Variants in RELN observed in about 807,000 individuals in gnomAD.
The protein encoded by RELN is reelin.
In RELN, 108 loss-of-function variants were observed where a neutral mutation model predicts 427.6. That is an observed-to-expected ratio of 0.25 (90% CI 0.22 to 0.30). The LOEUF is 0.30. RELN is among the 10% of genes least tolerant of loss of function. The pLI, the probability that RELN is intolerant of heterozygous loss-of-function variation, is 1.00. For synonymous variants in RELN, 1,524 were observed against 1,513.4 expected (o/e 1.01, Z -0.16); for missense variants, 3,715 against 4,302.8 (o/e 0.86, Z 3.82).
intron 20 of RELN, among the ~76,000 whole-genome samples, chr7:103,629,232 T>C (rs2117331452): frequency 6.6e-6 from 1 of 152,316 alleles, no homozygotes; most frequent in East Asian, 1.9e-4. Context: ...CTCAACACTG[T>C]TGTATTATCC....
At chr7:103,544,974 A>C (rs1830255828) in intron 42 of RELN, 150 bp downstream of exon 42, 1 of 707,888 alleles carries the variant, frequency 1.4e-6, no homozygotes, top group African/African-American at 1.8e-5. Flanking sequence ...GAACCCTATA[A>C]ATTCAGAACT....
At chr7:103,715,496 A>G (rs1371453512) in intron 8 of RELN, among the ~76,000 whole-genome samples, 2 of 152,136 alleles carry the variant, frequency 1.3e-5, no homozygotes, top group Non-Finnish European at 2.9e-5. Flanking sequence ...TGCGTGATTT[A>G]TTGTACTTAA....
intron 37 of RELN, 51 bp from the exon 38 acceptor site, chr7:103,557,210 AATGGT>A (rs1327126559): frequency 2.1e-6 from 3 of 1,440,264 alleles, no homozygotes; most frequent in Non-Finnish European, 2.9e-6. Context: ...AAAATGGGGA[AATGGT>A]ATGTTCTTAG....
intron 2 of RELN, among the ~76,000 whole-genome samples, chr7:103,888,166 C>T (rs1214582706): frequency 6.6e-6 from 1 of 152,024 alleles, no homozygotes; most frequent in African/African-American, 2.4e-5. Flanking sequence ...ATGCTCTTTC[C>T]CCTAAATAAA....
Position 103,472,824 on chromosome 7 carries a change from C to T in RELN, c.10371G>A (p.Arg3457=). 1 of 1,613,460 alleles carries T rather than the reference C, an allele frequency of 6.2e-7. No individual in the cohort carries two copies. The highest frequency in any genetic ancestry group is 1.1e-5 in the South Asian group (1 of 91,070). Residue 3457 remains arginine, a synonymous_variant, in exon 65 of 65, where the codon AGG becomes AGA. Coordinates refer to ENST00000428762, the MANE Select transcript of RELN (RefSeq NM_005045.4). ...ACTTTTTGATTCTTCATGGGTATCGCCTAAGTGACCTTCGTCTTCTGTTGT... is the reference window on the plus strand; with the variant it reads ...ACTTTTTGATTCTTCATGGGTATCGTCTAAGTGACCTTCGTCTTCTGTTGT... ...HFYNRRRRSL[R]RYP is the part of the protein sequence containing the mutation.
chr7:103,938,380 C>A (rs561127508), intron 1 of RELN, among the ~76,000 whole-genome samples: 1 of 152,102 alleles, frequency 6.6e-6, no homozygotes, highest in Admixed American at 6.5e-5. Flanking sequence ...TAGAAATATA[C>A]CTCTAAAGAC....
At chr7:103,621,667 A>G (rs544528896) in intron 20 of RELN, among the ~76,000 whole-genome samples, 1 of 152,304 alleles carries the variant, frequency 6.6e-6, no homozygotes, top group African/African-American at 2.4e-5. Context: ...GCTGACCCAC[A>G]TGGCTCAACC....
intron 45 of RELN, among the ~76,000 whole-genome samples, chr7:103,536,985 T>A (rs946879822): frequency 6.6e-6 from 1 of 152,226 alleles, no homozygotes; most frequent in Non-Finnish European, 1.5e-5. Flanking sequence ...GTCCTTTCAC[T>A]TGAATTAAGA....
chr7:103,779,231 C>G (rs542426569), intron 3 of RELN, among the ~76,000 whole-genome samples: 3 of 152,110 alleles, frequency 2.0e-5, no homozygotes, highest in Admixed American at 2.0e-4. Flanking sequence ...TCAACCAAAC[C>G]GTCTAGGCTT....
intron 6 of RELN, among the ~76,000 whole-genome samples, chr7:103,733,945 A>G (rs1305960126): frequency 6.6e-6 from 1 of 152,162 alleles, no homozygotes; most frequent in Non-Finnish European, 1.5e-5. Flanking sequence ...TATAATAAAA[A>G]AAAATGTTCT....
At chr7:103,519,267 C>A (rs1416111063) in intron 49 of RELN, 56 bp downstream of exon 49, 1 of 1,372,432 alleles carries the variant, frequency 7.3e-7, no homozygotes, top group African/African-American at 1.4e-5. Flanking sequence ...TGACTGATTG[C>A]TGGTAGCAAT....
intron 3 of RELN, among the ~76,000 whole-genome samples, chr7:103,818,989 C>A (rs1469772398): frequency 6.6e-6 from 1 of 151,892 alleles, no homozygotes; most frequent in African/African-American, 2.4e-5. Flanking sequence ...TAAAATTCAA[C>A]ACACACATAT....
intron 11 of RELN, among the ~76,000 whole-genome samples, chr7:103,677,688 C>A (rs1200295682): frequency 1.4e-5 from 2 of 146,370 alleles, no homozygotes; most frequent in East Asian, 2.0e-4. Flanking sequence ...ATCACTGAAA[C>A]CCAGGAGGCG....
At chr7:103,617,906 C>T (rs1184872010) in intron 20 of RELN, among the ~76,000 whole-genome samples, 2 of 151,986 alleles carry the variant, frequency 1.3e-5, no homozygotes, top group African/African-American at 4.8e-5. Flanking sequence ...CAGCCTGGTA[C>T]CTCCCTGCCC....
intron 1 of RELN, among the ~76,000 whole-genome samples, chr7:103,939,262 A>C (rs1796058482): frequency 6.6e-6 from 1 of 152,124 alleles, no homozygotes; most frequent in African/African-American, 2.4e-5. Flanking sequence ...CAGTTTTATA[A>C]GCTTTTATCT....
At chr7:103,475,945 G>A (rs1012664784) in intron 64 of RELN, among the ~76,000 whole-genome samples, 1 of 152,078 alleles carries the variant, frequency 6.6e-6, no homozygotes, top group African/African-American at 2.4e-5. Flanking sequence ...TAGAGACGGG[G>A]TCTTGCTATG....
intron 52 of RELN, among the ~76,000 whole-genome samples, chr7:103,501,246 AG>A (rs1829017388): frequency 6.6e-6 from 1 of 152,176 alleles, no homozygotes; most frequent in Non-Finnish European, 1.5e-5. Context: ...TCTGAATTGG[AG>A]TTCCGTGGTC....
chr7:103,816,576 C>T (rs1024128361), intron 3 of RELN, among the ~76,000 whole-genome samples: 1 of 143,742 alleles, frequency 7.0e-6, no homozygotes. Context: ...CAACTAAGGC[C>T]TTCCTTCAGG....
intron 6 of RELN, among the ~76,000 whole-genome samples, chr7:103,736,098 G>C (rs1176537641): frequency 6.6e-6 from 1 of 152,174 alleles, no homozygotes; most frequent in Non-Finnish European, 1.5e-5. Flanking sequence ...CCAAATCAAG[G>C]AATGATGAAT....
Sources: gnomAD v4.1 joint callset for allele counts (sites outside exome capture counted in the v4.1 genomes callset) on GRCh38, gnomAD v4.1.1 for gene constraint, MANE v1.5 for transcripts, NCBI Gene and HGNC (gene_info 2026-07-23, HGNC 2026-07-21) for gene names.